CFAP69: variants seen among roughly 807,000 people sequenced by gnomAD.
The protein encoded by CFAP69 is cilia- and flagella-associated protein 69.
A neutral mutation model predicts 123.0 loss-of-function variants in CFAP69; 92 were observed. The ratio of observed to expected loss-of-function variants is 0.75; its 90% CI spans 0.63 to 0.89. The LOEUF is 0.89. Ranked by LOEUF, CFAP69 falls within the 40% of genes least tolerant of loss-of-function variation. The probability of loss-of-function intolerance (pLI) is 0.00; values close to 1 mark genes in which losing one functional copy is unlikely to be tolerated. For synonymous variants in CFAP69, 380 were observed against 364.3 expected (o/e 1.04, Z -0.49); for missense variants, 1,067 against 1,096.9 (o/e 0.97, Z 0.39).
intron 4 of CFAP69, among the ~76,000 whole-genome samples, chr7:90,264,026 G>A (rs1483230942): frequency 2.0e-5 from 3 of 147,368 alleles, no homozygotes; most frequent in African/African-American, 7.5e-5. Flanking sequence ...AGAAGGCAGA[G>A]TTTGCAGTGA....
At position 90,277,077 on chromosome 7, in the gene CFAP69, G is replaced by T; in HGVS notation, c.989G>T (p.Cys330Phe). The T allele has an allele frequency of 6.4e-7, 1 of 1,562,710 alleles. No individual in the cohort carries two copies. The highest frequency in any genetic ancestry group is 1.2e-5 in the South Asian group (1 of 83,554). Residue 330 changes from cysteine to phenylalanine, a missense_variant, in exon 10 of 23, where the codon TGT becomes TTT. Cys to Phe is a radical substitution (Grantham distance 205). Coordinates refer to ENST00000389297, the MANE Select transcript of CFAP69 (RefSeq NM_001039706.3). ...AQNPEAPMIE[C>F]GFTKDLILFA... ...TATTTTATGTATTTATATTAGGAATGTGGCTTTACCAAGGATTTGATACTG... is the reference window on the plus strand; with the variant it reads ...TATTTTATGTATTTATATTAGGAATTTGGCTTTACCAAGGATTTGATACTG...
chr7:90,258,599 C>T (rs768795092), intron 3 of CFAP69, among the ~76,000 whole-genome samples: 1 of 152,082 alleles, frequency 6.6e-6, no homozygotes, highest in Non-Finnish European at 1.5e-5. Flanking sequence ...ATAATTTTCT[C>T]ATCTCAAAAT....
intron 17 of CFAP69, chr7:90,302,590 AT>A (rs1472289374): frequency 6.6e-6 from 1 of 152,114 alleles, no homozygotes; most frequent in Non-Finnish European, 1.5e-5. Flanking sequence ...TTATTTCCCC[AT>A]TGCTTGTTTC....
In CFAP69 at chr7:90,303,962, T is replaced by C. The variant is rs1391627573; in HGVS notation, c.2051-7T>C. 1 of 1,545,196 alleles carries C rather than the reference T, an allele frequency of 6.5e-7. No individual in the cohort carries two copies. Among genetic ancestry groups the C allele is most frequent in the Non-Finnish European group, 8.7e-7 (1 of 1,143,998 alleles). On this transcript the variant is annotated splice_region_variant and splice_polypyrimidine_tract_variant and intron_variant, in intron 17 of 22. Coordinates refer to ENST00000389297, the MANE Select transcript of CFAP69 (RefSeq NM_001039706.3). ...CCTTTTCTATTTTCATGCTATCCAA[T>C]GATTAGATACAAAAAAACCTCTATT...
intron 15 of CFAP69, among the ~76,000 whole-genome samples, chr7:90,289,992 C>A (rs1303886959): frequency 1.3e-5 from 2 of 152,088 alleles, no homozygotes; most frequent in Admixed American, 6.6e-5. Context: ...CTGTAATGTG[C>A]TATTTTAATA....
chr7:90,322,748 A>G, the CFAP69 span, among the ~76,000 whole-genome samples: 1 of 152,240 alleles, frequency 6.6e-6, no homozygotes, highest in South Asian at 2.1e-4. Flanking sequence ...GCATTTTTAA[A>G]GAATATTCTA....
At position 90,282,878 on chromosome 7, in the gene CFAP69, C is replaced by A; in HGVS notation, c.1373-14C>A. ...GAAATGTTTTTGTTTTAAATTATCA[C>A]TTTTTCTCCACAGATCCGTTTTTCA... On this transcript the variant is annotated splice_polypyrimidine_tract_variant and intron_variant, in intron 12 of 22. Coordinates refer to ENST00000389297, the MANE Select transcript of CFAP69 (RefSeq NM_001039706.3). The A allele has an allele frequency of 6.9e-7, 1 of 1,440,532 alleles. No individual in the cohort carries two copies. The highest frequency in any genetic ancestry group is 9.2e-7 in the Non-Finnish European group (1 of 1,090,652). The allele number at this position is 1,440,532 out of a possible 1,614,324, so 89.2% of individuals were successfully genotyped here.
Position 90,306,957 on chromosome 7 carries a change from A to T in CFAP69, c.2322A>T (p.Pro774=). The T allele has an allele frequency of 6.3e-7, 1 of 1,582,306 alleles. No individual in the cohort carries two copies. The highest frequency in any genetic ancestry group is 8.7e-7 in the Non-Finnish European group (1 of 1,153,178). The change falls in exon 20 of 23, where the codon CCA becomes CCT. Residue 774 remains proline, a synonymous_variant. Transcript: ENST00000389297. ...AAATAAAATTAGAAAAATTAAGACC[A>T]GTCACTACAGATAAAAAAGCTTTGG... The part of the protein sequence containing the change: ...YEEIKLEKLR[P]VTTDKKALEA...
intron 12 of CFAP69, among the ~76,000 whole-genome samples, 155 bp from the exon 13 acceptor site, chr7:90,282,737 G>C (rs971375796): frequency 6.6e-6 from 1 of 151,848 alleles, no homozygotes; most frequent in African/African-American, 2.4e-5. Context: ...TAGTAAGAGG[G>C]AAAAGGGATA....
At chr7:90,283,190 T>C (rs1789746081) in intron 13 of CFAP69, 134 bp downstream of exon 13, 2 of 640,126 alleles carry the variant, frequency 3.1e-6, no homozygotes, top group Non-Finnish European at 4.7e-6. Context: ...TGATTTTTGT[T>C]TCATATTGCT....
At chr7:90,307,208 T>A (rs1167759607) in intron 20 of CFAP69, 110 bp downstream of exon 20, 1 of 729,410 alleles carries the variant, frequency 1.4e-6, no homozygotes, top group African/African-American at 1.8e-5. Context: ...GTAGGACAAC[T>A]ATAGTAACAA....
rs948042833 is a variant in CFAP69 at position 90,310,709 on chromosome 7, A to G, written c.*471A>G. 1 of 152,686 alleles carries G rather than the reference A, an allele frequency of 6.5e-6. No individual in the cohort carries two copies. 9.5% of individuals were successfully genotyped at this position (152,686 alleles called of 1,614,324 possible). ...ATGCCTGTGTCTCTGTGGTTTCTGC[A>G]GCTGCCTATGCATCTCAGGACCCCT... is the stretch of plus-strand genomic sequence containing the variant. On this transcript the variant is annotated 3_prime_UTR_variant, in exon 23 of 23. Transcript: ENST00000389297.
downstream of CFAP69, among the ~76,000 whole-genome samples, chr7:90,314,906 C>A (rs1264943515): frequency 6.6e-6 from 1 of 151,684 alleles, no homozygotes; most frequent in Non-Finnish European, 1.5e-5. Flanking sequence ...AAAAGTTTAT[C>A]AAATTTACAA....
chr7:90,288,291 AG>A lies in CFAP69; in HGVS notation c.1716del (p.Lys573SerfsTer6). 6.2e-7 allele frequency: 1 copy of A among 1,612,618 alleles called. No individual in the cohort carries two copies. The highest frequency in any genetic ancestry group is 8.5e-7 in the Non-Finnish European group (1 of 1,178,946). On this transcript the variant is annotated frameshift_variant, in exon 15 of 23. Transcript: ENST00000389297. ...TCTTCATGTGATGAAAACAGACCCCAGGAAGTTACAGAGTGGCTTAGGCTAT... is the reference window on the plus strand; with the variant it reads ...TCTTCATGTGATGAAAACAGACCCCAGAAGTTACAGAGTGGCTTAGGCTAT... ...IVLHVMKTDP[R>X]KLQSGLGYNV...
intron 1 of CFAP69, among the ~76,000 whole-genome samples, chr7:90,246,353 C>G (rs1270693515): frequency 9.2e-5 from 14 of 152,128 alleles, no homozygotes; most frequent in Non-Finnish European, 7.3e-5. Flanking sequence ...CTGGAGGAAC[C>G]CTGTCCTGCC....
At chr7:90,261,891 A>C (rs1054853443) in intron 3 of CFAP69, 56 bp from the exon 4 acceptor site, 6 of 936,784 alleles carry the variant, frequency 6.4e-6, no homozygotes, top group Middle Eastern at 3.3e-4. Flanking sequence ...TACTATAAAG[A>C]ATATGTTAAT....
In CFAP69 at chr7:90,304,746, T is replaced by C. The variant is rs200429969; in HGVS notation, c.2191T>C (p.Phe731Leu). 1,087 of 1,600,736 alleles carry C rather than the reference T, an allele frequency of 6.8e-4. 1 individual carries two copies. The highest frequency in any genetic ancestry group is 8.4e-4 in the Non-Finnish European group (985 of 1,174,676). The change falls in exon 19 of 23, where the codon TTT becomes CTT. Residue 731 changes from phenylalanine (F) to leucine (L), a missense_variant and splice_region_variant. Coordinates refer to ENST00000389297, the MANE Select transcript of CFAP69 (RefSeq NM_001039706.3). ...TGTCTTTATAAACTTTATTTTAGATTTTGAAAATTTACCTGGCCTATCTGC... is the reference window on the plus strand; with the variant it reads ...TGTCTTTATAAACTTTATTTTAGATCTTGAAAATTTACCTGGCCTATCTGC... ...KIYAILGKLDFENLPGLSAED... is the reference protein window; with the variant it reads ...KIYAILGKLDLENLPGLSAED...
At chr7:90,271,417 C>T (rs1217857166) in intron 6 of CFAP69, 109 bp from the exon 7 acceptor site, 1 of 1,194,494 alleles carries the variant, frequency 8.4e-7, no homozygotes, top group Non-Finnish European at 1.2e-6. Context: ...ATTCCATATA[C>T]TTTTAAAAAG....
In CFAP69 at chr7:90,271,640, G is replaced by A. The variant is rs1355278372; in HGVS notation, c.647G>A (p.Trp216Ter). 1 of 1,613,354 alleles carries A rather than the reference G, an allele frequency of 6.2e-7. No individual in the cohort carries two copies. Among genetic ancestry groups the A allele is most frequent in the East Asian group, 2.2e-5 (1 of 44,866 alleles). ...GAAAATCAACTTGTTGAGAAACTTT[G>A]GGTACTTAAAGTTCTGCAGCATCTC... ...LLENQLVEKL[W>*]VLKVLQHLST... is the part of the protein sequence containing the mutation. Residue 216 changes from tryptophan to a stop codon, truncating the protein, a stop_gained, in exon 7 of 23, where the codon TGG becomes TAG. Coordinates refer to ENST00000389297, the MANE Select transcript of CFAP69 (RefSeq NM_001039706.3). LOFTEE classifies it high-confidence loss of function.
Sources: gnomAD v4.1 joint callset for allele counts (sites outside exome capture counted in the v4.1 genomes callset) on GRCh38, gnomAD v4.1.1 for gene constraint, MANE v1.5 for transcripts, NCBI Gene and HGNC (gene_info 2026-07-23, HGNC 2026-07-21) for gene names.